The following TBC1D8 variants were observed in gnomAD, a reference collection of about 807,000 sequenced individuals.
TBC1D8 encodes the protein TBC1 domain family member 8.
TBC1D8 carries 65 observed loss-of-function variants against 118.8 expected under a neutral mutation model. That is an observed-to-expected ratio of 0.55 (90% CI 0.45 to 0.67). The LOEUF (loss-of-function observed/expected upper bound fraction) is 0.67. Among genes scored for constraint, TBC1D8 ranks in the 30% least tolerant of loss-of-function variants. The pLI is 0.00. For missense variants in TBC1D8, 1,376 were observed against 1,471.2 expected, an observed-to-expected ratio of 0.94 and a Z score of 1.06; for synonymous variants, 566 against 595.8, an observed-to-expected ratio of 0.95 and a Z score of 0.73.
rs200724147 is a variant in TBC1D8, at chr2:101,028,375, A to G, written c.2280T>C (p.His760=). Residue 760 remains histidine, a synonymous_variant, in exon 13 of 20, where the codon CAT becomes CAC. Coordinates refer to ENST00000409318, the MANE Select transcript of TBC1D8 (RefSeq NM_001330348.2). ...GCTCCTGGTCGTCGGAGAAAAAGGC[A>G]TGGTGGCTGCCAACTGGGGGCCCTG... ...DSPGPPVGSH[H]AFFSDDQEPY... is the part of the protein sequence containing the mutation. The G allele has an allele frequency of 6.1e-4, 989 of 1,611,710 alleles. No individual in the cohort carries two copies. Among genetic ancestry groups the G allele is most frequent in the Non-Finnish European group, 7.7e-4 (909 of 1,178,926 alleles).
At chr2:101,071,588 T>A (rs1674439073) in intron 2 of TBC1D8, among the ~76,000 whole-genome samples, 1 of 152,188 alleles carries the variant, frequency 6.6e-6, no homozygotes. Flanking sequence ...ATGAAAGGTA[T>A]TATACATTTT....
chr2:101,033,360 A>AT (rs1347515475), intron 10 of TBC1D8, 184 bp downstream of exon 10: 1 of 732,850 alleles, frequency 1.4e-6, no homozygotes, highest in Non-Finnish European at 2.4e-6. Context: ...TGATCCGTTG[A>AT]TTATAAGATG....
At chr2:101,047,234 G>A (rs1486074041) in intron 5 of TBC1D8, among the ~76,000 whole-genome samples, 3 of 152,278 alleles carry the variant, frequency 2.0e-5, no homozygotes, top group East Asian at 3.9e-4. Flanking sequence ...CCAATCAACC[G>A]AGGGTGACAA....
intron 2 of TBC1D8, among the ~76,000 whole-genome samples, chr2:101,074,598 G>A (rs1674686402): frequency 6.6e-6 from 1 of 152,258 alleles, no homozygotes; most frequent in Non-Finnish European, 1.5e-5. Context: ...ACCATATAGA[G>A]CTTCAAAACC....
At chr2:101,147,699 G>A (rs554049285) in intron 1 of TBC1D8, among the ~76,000 whole-genome samples, 2 of 152,144 alleles carry the variant, frequency 1.3e-5, no homozygotes, top group East Asian at 1.9e-4. Context: ...CCAGTTATTA[G>A]ATTTTTTTGC....
chr2:101,019,086 T>C (rs1679867242), intron 17 of TBC1D8: 1 of 1,586,034 alleles, frequency 6.3e-7, no homozygotes, highest in Non-Finnish European at 8.6e-7. Flanking sequence ...CGGCTCTTCA[T>C]TGCTTCCTGA....
At chr2:101,112,425 G>A (rs1176498173) in intron 1 of TBC1D8, among the ~76,000 whole-genome samples, 1 of 152,206 alleles carries the variant, frequency 6.6e-6, no homozygotes, top group East Asian at 1.9e-4. Flanking sequence ...GATGATTCAA[G>A]TCTATAAAAT....
chr2:101,073,769 G>A (rs1428406355), intron 2 of TBC1D8, among the ~76,000 whole-genome samples: 1 of 152,174 alleles, frequency 6.6e-6, no homozygotes, highest in African/African-American at 2.4e-5. Flanking sequence ...ACCAACATCT[G>A]CTAGCTTCAA....
At position 101,008,210 on chromosome 2, in the gene TBC1D8, C is replaced by G. The variant is rs546321327; in HGVS notation, c.3079G>C (p.Asp1027His). ...ACTGTGGCGATGGCTTGATACAAAT[C>G]ATTTTCTTCTGGATCTTCATGGAAC... ...SMFHEDPEEN[D>H]LYQAIATVTT... Residue 1027 changes from aspartate (D) to histidine (H), a missense_variant, in exon 20 of 20, where the codon GAT (aspartate) becomes CAT (histidine). Asp to His is a moderately conservative substitution (Grantham distance 81). Coordinates refer to ENST00000409318, the MANE Select transcript of TBC1D8 (RefSeq NM_001330348.2). 1 of 1,605,494 alleles carries G rather than the reference C, an allele frequency of 6.2e-7. No individual in the cohort carries two copies. Among genetic ancestry groups the G allele is most frequent in the Non-Finnish European group, 8.5e-7 (1 of 1,175,600 alleles).
At position 101,008,015 on chromosome 2, in the gene TBC1D8, C is replaced by A; in HGVS notation, c.3274G>T (p.Ala1092Ser). 1 of 1,613,998 alleles carries A rather than the reference C, an allele frequency of 6.2e-7. No individual in the cohort carries two copies. The highest frequency in any genetic ancestry group is 8.5e-7 in the Non-Finnish European group (1 of 1,179,892). Reference sequence around the variant, plus strand: ...AGGGAGACAGTCCAGTCCCTTTCTGCCGCCTCTGGAAATGCCTGGGAGTCC... The same window carrying A: ...AGGGAGACAGTCCAGTCCCTTTCTGACGCCTCTGGAAATGCCTGGGAGTCC... ...PQDSQAFPEA[A>S]ERDWTVSLEH... Residue 1092 changes from alanine to serine, a missense_variant, in exon 20 of 20, where the codon GCA becomes TCA. Physicochemically the swap from Ala to Ser is moderately conservative, Grantham distance 99 (BLOSUM62 1). Transcript: ENST00000409318.
At chr2:101,038,316 G>T in intron 7 of TBC1D8, 145 bp downstream of exon 7, 2 of 973,482 alleles carry the variant, frequency 2.1e-6, no homozygotes, top group Non-Finnish European at 3.1e-6. Context: ...TCTCAGGACA[G>T]CCGGCACATC....
intron 5 of TBC1D8, among the ~76,000 whole-genome samples, chr2:101,049,958 C>G (rs920613054): frequency 3.3e-5 from 5 of 151,814 alleles, no homozygotes; most frequent in Admixed American, 3.3e-4. Flanking sequence ...TCCTGAGTAG[C>G]TGGGACTACA....
intron 9 of TBC1D8, among the ~76,000 whole-genome samples, chr2:101,034,613 G>A (rs1439365314): frequency 1.3e-5 from 2 of 152,180 alleles, no homozygotes; most frequent in African/African-American, 4.8e-5. Context: ...GTGCAAGTGT[G>A]TGCACGTGTG....
intron 1 of TBC1D8, among the ~76,000 whole-genome samples, chr2:101,109,013 T>TA (rs1677408251): frequency 6.6e-6 from 1 of 152,200 alleles, no homozygotes; most frequent in African/African-American, 2.4e-5. Flanking sequence ...AAAACTGTTC[T>TA]AAAAAATAAA....
At chr2:101,092,401 T>C (rs540893846) in intron 1 of TBC1D8, among the ~76,000 whole-genome samples, 11 of 152,330 alleles carry the variant, frequency 7.2e-5, no homozygotes, top group African/African-American at 2.6e-4. Flanking sequence ...TTGACTCAAA[T>C]TGGGGCTGCC....
intron 2 of TBC1D8, among the ~76,000 whole-genome samples, chr2:101,069,826 A>G (rs894549316): frequency 2.0e-5 from 3 of 152,094 alleles, no homozygotes; most frequent in Non-Finnish European, 4.4e-5. Flanking sequence ...TGCAAATTAA[A>G]TTATTCACTA....
intron 2 of TBC1D8, among the ~76,000 whole-genome samples, chr2:101,084,855 T>TTG (rs1468858326): frequency 2.7e-5 from 4 of 150,602 alleles, no homozygotes; most frequent in Non-Finnish European, 5.9e-5. Context: ...CACTATTTTT[T>TTG]TTTTTTTTTT....
chr2:101,007,526 TGA>T lies in TBC1D8; in HGVS notation c.*293_*294del, dbSNP rs1454857272. On this transcript the variant is annotated 3_prime_UTR_variant, in exon 20 of 20. Transcript: ENST00000409318. ...GTTAGTATGAGACATTGTGTTCATCTGAGAGCAAAATCAACACTAGCATCACA... is the reference window on the plus strand; with the variant it reads ...GTTAGTATGAGACATTGTGTTCATCTGAGCAAAATCAACACTAGCATCACA... 1.1e-5 allele frequency: 4 copies of T among 375,328 alleles called. No homozygotes were observed. The highest frequency in any genetic ancestry group is 4.3e-5 in the Admixed American group (1 of 23,306). 23.2% of individuals were successfully genotyped at this position (375,328 alleles called of 1,614,324 possible).
intron 15 of TBC1D8, among the ~76,000 whole-genome samples, chr2:101,025,818 A>C (rs1239856643): frequency 1.4e-4 from 22 of 152,242 alleles, no homozygotes; most frequent in Non-Finnish European, 2.9e-5. Flanking sequence ...GGAGTAGCTT[A>C]CGCACCAAGT....
Sources: allele counts gnomAD v4.1 joint callset (sites outside exome capture counted in the v4.1 genomes callset), GRCh38; gene constraint gnomAD v4.1.1; transcripts MANE v1.5; gene names NCBI Gene and HGNC (gene_info 2026-07-23, HGNC 2026-07-21).